The following MARK3 variants were observed in gnomAD, a reference collection of about 807,000 sequenced individuals.
MARK3 encodes microtubule affinity regulating kinase 3, also known as MAP/microtubule affinity-regulating kinase 3.
In MARK3, 46 loss-of-function variants were observed where a neutral mutation model predicts 90.1. That is an observed-to-expected ratio of 0.51 (90% confidence interval 0.40 to 0.65). The LOEUF (loss-of-function observed/expected upper bound fraction) is 0.65. Among genes scored for constraint, MARK3 ranks in the 30% least tolerant of loss-of-function variants. The pLI, the probability that MARK3 is intolerant of heterozygous loss-of-function variation, is 0.00. For synonymous variants in MARK3, 321 were observed against 332.6 expected (o/e 0.97, Z 0.38); for missense variants, 818 against 947.2 (o/e 0.86, Z 1.79).
Position 103,415,150 on chromosome 14 carries a change from C to CAAAAAA in MARK3, c.243+9903_243+9908dup, listed in dbSNP as rs34245934. Among the ~76,000 whole-genome samples, 20 of 37,700 alleles carry CAAAAAA rather than the reference C, an allele frequency of 5.3e-4. 1 individual carries two copies. The highest frequency in any genetic ancestry group is 1.7e-3 in the African/African-American group (17 of 10,130). The allele number at this position is 37,700 out of a possible 152,430, so 24.7% of individuals were successfully genotyped here. On this transcript the variant is annotated intron_variant, in intron 2 of 17. Coordinates refer to ENST00000429436, the MANE Select transcript of MARK3 (RefSeq NM_001128918.3). ...CTGGCAACAGAGTAAGACCTTGTCT[C>CAAAAAA]AAAAAAAAAAAAAAAAAAAAAAAAA...
chr14:103,411,837 G>A (rs2091651550), intron 2 of MARK3, among the ~76,000 whole-genome samples: 1 of 151,612 alleles, frequency 6.6e-6, no homozygotes, highest in Admixed American at 6.6e-5. Flanking sequence ...TGGCCAGGAT[G>A]GTCTCGATCT....
intron 12 of MARK3, among the ~76,000 whole-genome samples, chr14:103,468,920 T>A (rs2093572166): frequency 6.6e-6 from 1 of 151,610 alleles, no homozygotes; most frequent in Non-Finnish European, 1.5e-5. Context: ...TGAGCCACCA[T>A]GCCCAGCGCT....
intron 1 of MARK3, among the ~76,000 whole-genome samples, chr14:103,397,643 G>A (rs1278492154): frequency 6.6e-6 from 1 of 152,026 alleles, no homozygotes; most frequent in Non-Finnish European, 1.5e-5. Flanking sequence ...GATTTTTTTA[G>A]CCACAACTTG....
intron 2 of MARK3, among the ~76,000 whole-genome samples, chr14:103,409,056 C>T (rs564245371): frequency 8.5e-5 from 13 of 152,248 alleles, no homozygotes; most frequent in Admixed American, 4.6e-4. Context: ...TTGAGACAGA[C>T]GAACCTCTTC....
chr14:103,500,317 C>T (rs1314089479), intron 17 of MARK3, 117 bp downstream of exon 17: 8 of 766,434 alleles, frequency 1.0e-5, no homozygotes, highest in East Asian at 2.8e-5. Context: ...GTAGGAGTTA[C>T]GTAGAGAGGG....
At chr14:103,477,279 G>A (rs1320653614) in intron 13 of MARK3, among the ~76,000 whole-genome samples, 1 of 152,056 alleles carries the variant, frequency 6.6e-6, no homozygotes, top group Non-Finnish European at 1.5e-5. Context: ...ATCACTTGAG[G>A]TCAGGAGTTC....
At chr14:103,486,941 A>G (rs2093940587) in intron 14 of MARK3, among the ~76,000 whole-genome samples, 1 of 151,306 alleles carries the variant, frequency 6.6e-6, no homozygotes, top group East Asian at 2.0e-4. Context: ...TTAATTTGAA[A>G]CAGTCTCTCT....
chr14:103,461,017 C>G (rs1400119457), intron 6 of MARK3, among the ~76,000 whole-genome samples: 1 of 152,188 alleles, frequency 6.6e-6, no homozygotes, highest in Non-Finnish European at 1.5e-5. Flanking sequence ...TTGTTATCAT[C>G]TCATCCTAAC....
intron 12 of MARK3, among the ~76,000 whole-genome samples, chr14:103,473,374 G>C (rs2093663098): frequency 6.6e-6 from 1 of 152,184 alleles, no homozygotes; most frequent in African/African-American, 2.4e-5. Flanking sequence ...CGAGGTCAGT[G>C]GATTAGATCA....
chr14:103,426,569 C>T (rs536954148), intron 2 of MARK3, among the ~76,000 whole-genome samples: 79 of 152,140 alleles, frequency 5.2e-4, no homozygotes, highest in South Asian at 1.2e-3. Flanking sequence ...GGTGCAAAGC[C>T]GAGTTACTTG....
At chr14:103,452,469 G>GTTTTTTTTTTTTTTTTT (rs1404035040) in intron 5 of MARK3, among the ~76,000 whole-genome samples, 1 of 84,182 alleles carries the variant, frequency 1.2e-5, no homozygotes, top group Non-Finnish European at 3.2e-5. Flanking sequence ...TACAGGATTT[G>GTTTTTTTTTTTTTTTTT]TCTTTTTTTT....
intron 2 of MARK3, chr14:103,412,394 A>T (rs971955170): frequency 8.2e-6 from 5 of 608,986 alleles, no homozygotes; most frequent in Non-Finnish European, 8.8e-6. Context: ...TGTTAGGCCT[A>T]TGCCGAGGAT....
chr14:103,437,033 C>T (rs1352817935), intron 3 of MARK3, among the ~76,000 whole-genome samples: 1 of 150,792 alleles, frequency 6.6e-6, no homozygotes, highest in Non-Finnish European at 1.5e-5. Flanking sequence ...ACGGAGGTTG[C>T]AGTGAGCCAA....
chr14:103,455,981 G>A (rs568204281), intron 5 of MARK3, among the ~76,000 whole-genome samples: 15 of 152,110 alleles, frequency 9.9e-5, no homozygotes, highest in Non-Finnish European at 1.9e-4. Flanking sequence ...TTCTAAATTA[G>A]TATTCTTTTC....
intron 3 of MARK3, among the ~76,000 whole-genome samples, chr14:103,433,993 C>T (rs535788149): frequency 5.3e-4 from 80 of 152,222 alleles, no homozygotes; most frequent in Middle Eastern, 3.4e-3. Context: ...TTGAGTTTCC[C>T]GTTTCAGCAT....
At chr14:103,427,395 A>C (rs1157606134) in intron 2 of MARK3, among the ~76,000 whole-genome samples, 1 of 149,236 alleles carries the variant, frequency 6.7e-6, no homozygotes, top group Admixed American at 6.8e-5. Flanking sequence ...GCTACTCCAG[A>C]GGCTGAGGGA....
chr14:103,424,296 G>T lies in MARK3; in HGVS notation c.244-4091G>T, dbSNP rs560717463. Among the ~76,000 whole-genome samples, 4 of 152,140 alleles carry T rather than the reference G, an allele frequency of 2.6e-5. No individual in the cohort carries two copies. In the South Asian group the frequency reaches 8.3e-4, roughly 32 times the overall value. ...GCCTGTAATCCTAGCACTTCGGGAG[G>T]CTGAGGTGGGCAGATCGCTTGAGCC... is the stretch of plus-strand genomic sequence containing the variant. On this transcript the variant is annotated intron_variant, in intron 2 of 17. Coordinates refer to ENST00000429436, the MANE Select transcript of MARK3 (RefSeq NM_001128918.3).
In MARK3 at chr14:103,451,931, A is replaced by C; in HGVS notation, c.360A>C (p.Glu120Asp). 6.2e-7 allele frequency: 1 copy of C among 1,611,854 alleles called. No individual in the cohort carries two copies. The highest frequency in any genetic ancestry group is 8.5e-7 in the Non-Finnish European group (1 of 1,178,732). Residue 120 changes from glutamate (E) to aspartate (D), a missense_variant, in exon 5 of 18, where the codon GAA becomes GAC. Transcript: ENST00000429436. ...LNHPNIVKLFEVIETEKTLYL... is the reference protein window; with the variant it reads ...LNHPNIVKLFDVIETEKTLYL... ...CCTCTCCCGCAGTGAAGTTATTCGAAGTCATTGAAACTGAAAAAACACTCT... is the reference window on the plus strand; with the variant it reads ...CCTCTCCCGCAGTGAAGTTATTCGACGTCATTGAAACTGAAAAAACACTCT...
intron 2 of MARK3, chr14:103,412,245 C>A: frequency 1.3e-6 from 1 of 746,044 alleles, no homozygotes; most frequent in Non-Finnish European, 2.3e-6. Context: ...ACAAGCTCAT[C>A]GTCTGTCATC....
Sources: allele counts gnomAD v4.1 joint callset (sites outside exome capture counted in the v4.1 genomes callset), GRCh38; gene constraint gnomAD v4.1.1; transcripts MANE v1.5; gene names NCBI Gene and HGNC (gene_info 2026-07-23, HGNC 2026-07-21).